The following GRID2 variants were observed in gnomAD, a reference collection of about 807,000 sequenced individuals.
The protein encoded by GRID2 is glutamate ionotropic receptor delta type subunit 2, also known as glutamate receptor ionotropic, delta-2.
A neutral mutation model predicts 114.8 loss-of-function variants in GRID2; 33 were observed. The observed-to-expected ratio is 0.29, with a 90% CI of 0.22 to 0.38. The LOEUF is 0.38. Ranked by LOEUF, GRID2 falls within the 10% of genes least tolerant of loss-of-function variation. GRID2 has a pLI of 1.00. For synonymous variants in GRID2, 505 were observed against 449.9 expected, an observed-to-expected ratio of 1.12 and a Z score of -1.55; for missense variants, 1,184 against 1,257.7, an observed-to-expected ratio of 0.94 and a Z score of 0.89.
At chr4:93,137,848 A>C (rs1735402960) in intron 4 of GRID2, among the ~76,000 whole-genome samples, 1 of 152,022 alleles carries the variant, frequency 6.6e-6, no homozygotes, top group Admixed American at 6.6e-5. Flanking sequence ...TTAAAACACA[A>C]ATTTATTATA....
intron 1 of GRID2, among the ~76,000 whole-genome samples, chr4:93,785,380 G>T (rs926849128): frequency 2.0e-5 from 3 of 152,152 alleles, no homozygotes; most frequent in African/African-American, 7.2e-5. Flanking sequence ...GCTAGGAAAA[G>T]CTCCCTAGAG....
intron 4 of GRID2, among the ~76,000 whole-genome samples, chr4:93,183,594 C>A (rs1277935921): frequency 6.6e-6 from 1 of 152,114 alleles, no homozygotes; most frequent in African/African-American, 2.4e-5. Context: ...TTAATTACTG[C>A]CAGACATTGA....
Position 92,477,505 on chromosome 4 carries a change from A to C in GRID2, c.89-112626A>C, listed in dbSNP as rs538991129. On this transcript the variant is annotated intron_variant, in intron 1 of 15. Coordinates refer to ENST00000282020, the MANE Select transcript of GRID2 (RefSeq NM_001510.4). Reference sequence around the variant, plus strand: ...ACAGTATGCTTGATTGTGTCAGTTTATACTTGAATACCTTTAATATGTGAA... The same window carrying C: ...ACAGTATGCTTGATTGTGTCAGTTTCTACTTGAATACCTTTAATATGTGAA... 2.0e-5 allele frequency among the ~76,000 whole-genome samples: 3 copies of C among 152,000 alleles called. No individual in the cohort carries two copies. In the East Asian group the frequency reaches 5.8e-4, roughly 29 times the overall value.
chr4:92,422,512 A>G (rs1249383554), intron 1 of GRID2, among the ~76,000 whole-genome samples: 1 of 152,074 alleles, frequency 6.6e-6, no homozygotes, highest in East Asian at 1.9e-4. Context: ...TTGGTGGGGA[A>G]GGGGAAGCCA....
At chr4:92,729,898 TAAC>T (rs918657252) in intron 2 of GRID2, among the ~76,000 whole-genome samples, 13 of 151,982 alleles carry the variant, frequency 8.6e-5, no homozygotes, top group South Asian at 2.1e-4. Flanking sequence ...TCAAAATTGG[TAAC>T]AACAACAACA....
At position 92,516,292 on chromosome 4, in the gene GRID2, C is replaced by T. The variant is rs549093703; in HGVS notation, c.89-73839C>T. Among the ~76,000 whole-genome samples, 4 of 151,916 alleles carry T rather than the reference C, an allele frequency of 2.6e-5. No homozygotes were observed. The East Asian group carries it at 5.9e-4, about 22-fold the overall frequency. The stretch of plus-strand genomic sequence containing the variant: ...TAATGTCATTCATGTTGTATATATC[C>T]TTTATTCTATAACAATTCTTTGAAT... On this transcript the variant is annotated intron_variant, in intron 1 of 15. Coordinates refer to ENST00000282020, the MANE Select transcript of GRID2 (RefSeq NM_001510.4).
At chr4:93,704,513 T>C (rs557097657) in intron 14 of GRID2, among the ~76,000 whole-genome samples, 2 of 152,286 alleles carry the variant, frequency 1.3e-5, no homozygotes, top group South Asian at 2.1e-4. Context: ...AGATCCCATT[T>C]GTCAATTTTG....
intron 10 of GRID2, among the ~76,000 whole-genome samples, chr4:93,447,229 C>T (rs776887663): frequency 3.5e-4 from 53 of 151,816 alleles, no homozygotes; most frequent in Non-Finnish European, 6.2e-4. Flanking sequence ...CTTACAGAAA[C>T]GTGTTCATCT....
At chr4:93,019,326 G>T (rs149136952) in intron 2 of GRID2, among the ~76,000 whole-genome samples, 3 of 152,024 alleles carry the variant, frequency 2.0e-5, no homozygotes, top group Non-Finnish European at 4.4e-5. Flanking sequence ...GCCAAATGAA[G>T]AATAAATGTT....
At chr4:93,115,309 A>G (rs1196549813) in intron 4 of GRID2, among the ~76,000 whole-genome samples, 1 of 151,866 alleles carries the variant, frequency 6.6e-6, no homozygotes, top group African/African-American at 2.4e-5. Context: ...TAAAAGGTTC[A>G]ACAAGGTAAT....
intron 2 of GRID2, among the ~76,000 whole-genome samples, chr4:92,655,294 T>C (rs1361526817): frequency 3.9e-5 from 6 of 152,010 alleles, no homozygotes; most frequent in Admixed American, 6.6e-5. Flanking sequence ...CCTTGTCTTA[T>C]ATTTCGCAGT....
rs145078460 is a variant in GRID2 at position 92,406,075 on chromosome 4, C to A, written c.88+101331C>A. 1.4e-3 allele frequency among the ~76,000 whole-genome samples: 206 copies of A among 152,146 alleles called. 2 individuals carry two copies. Among genetic ancestry groups the A allele is most frequent in the Middle Eastern group, 6.8e-3 (2 of 294 alleles). The stretch of plus-strand genomic sequence containing the variant: ...GCCCATCTCTCCTCTTCACATTTTT[C>A]TTCCTGTTTTGTATTTGTTGGTGGC... On this transcript the variant is annotated intron_variant, in intron 1 of 15. Transcript: ENST00000282020.
chr4:92,340,256 C>T (rs1057119860), intron 1 of GRID2, among the ~76,000 whole-genome samples: 6 of 152,112 alleles, frequency 3.9e-5, no homozygotes, highest in African/African-American at 9.7e-5. Flanking sequence ...TCACAATCAC[C>T]GTTCATGTAA....
chr4:92,822,076 G>A (rs1239291933), intron 2 of GRID2: 1 of 303,606 alleles, frequency 3.3e-6, no homozygotes, highest in Non-Finnish European at 6.5e-6. Flanking sequence ...GAGGTGCAAT[G>A]GGGAGTCTCT....
At chr4:93,582,702 A>G (rs1578313750) in intron 13 of GRID2, among the ~76,000 whole-genome samples, 1 of 152,144 alleles carries the variant, frequency 6.6e-6, no homozygotes, top group African/African-American at 2.4e-5. Flanking sequence ...CTTGTTATGT[A>G]TTTGTGTTTT....
chr4:92,553,065 T>C (rs1726673582), intron 1 of GRID2, among the ~76,000 whole-genome samples: 1 of 152,148 alleles, frequency 6.6e-6, no homozygotes, highest in East Asian at 1.9e-4. Flanking sequence ...ACCTATAGGA[T>C]GAGTCATTCT....
At chr4:93,046,731 A>G (rs1488020653) in intron 2 of GRID2, among the ~76,000 whole-genome samples, 3 of 152,090 alleles carry the variant, frequency 2.0e-5, no homozygotes, top group Admixed American at 2.0e-4. Context: ...GAATGCACTA[A>G]GCAACCATTT....
At chr4:92,621,310 A>G (rs1416678820) in intron 2 of GRID2, among the ~76,000 whole-genome samples, 1 of 151,882 alleles carries the variant, frequency 6.6e-6, no homozygotes, top group Non-Finnish European at 1.5e-5. Flanking sequence ...GAAAAGTTAA[A>G]ATTGTGATAT....
chr4:93,395,502 AC>A, intron 8 of GRID2, 104 bp from the exon 9 acceptor site: 1 of 597,610 alleles, frequency 1.7e-6, no homozygotes, highest in Middle Eastern at 2.7e-4. Flanking sequence ...CTCTTTCCAT[AC>A]CAATTATTCT....
Sources: gnomAD v4.1 joint callset for allele counts (sites outside exome capture counted in the v4.1 genomes callset) on GRCh38, gnomAD v4.1.1 for gene constraint, MANE v1.5 for transcripts, NCBI Gene and HGNC (gene_info 2026-07-23, HGNC 2026-07-21) for gene names.